LIPA: variants seen among roughly 807,000 people sequenced by gnomAD.
LIPA encodes the protein lysosomal acid lipase/cholesteryl ester hydrolase.
A neutral mutation model predicts 40.6 loss-of-function variants in LIPA; 26 were observed. The observed-to-expected ratio is 0.64, with a 90% CI of 0.47 to 0.89. The LOEUF (loss-of-function observed/expected upper bound fraction) is 0.89. Among genes scored for constraint, LIPA ranks in the 40% least tolerant of loss-of-function variants. The pLI, the probability that LIPA is intolerant of heterozygous loss-of-function variation, is 0.00. For synonymous variants in LIPA, 188 were observed against 168.4 expected, an observed-to-expected ratio of 1.12 and a Z score of -0.90; for missense variants, 455 against 479.6, an observed-to-expected ratio of 0.95 and a Z score of 0.48.
At chr10:89,329,796 C>G (rs536309620) in intron 1 of LIPA, among the ~76,000 whole-genome samples, 118 of 152,220 alleles carry the variant, frequency 7.8e-4, no homozygotes, top group Non-Finnish European at 1.4e-3. Flanking sequence ...AAGAGACCAC[C>G]AAACAGGCTT....
At chr10:89,249,914 T>C (rs1450203982) in intron 1 of LIPA, among the ~76,000 whole-genome samples, 3 of 152,112 alleles carry the variant, frequency 2.0e-5, no homozygotes, top group African/African-American at 7.2e-5. Flanking sequence ...AATACAGCTG[T>C]TTGTTTTTAG....
At chr10:89,290,680 G>C (rs7082118) in intron 1 of LIPA, among the ~76,000 whole-genome samples, 1 of 152,050 alleles carries the variant, frequency 6.6e-6, no homozygotes, top group Non-Finnish European at 1.5e-5. Context: ...AAAAGCTCCC[G>C]CACTGAGCAC....
chr10:89,290,252 A>T (rs1290562732), intron 1 of LIPA, among the ~76,000 whole-genome samples: 2 of 152,046 alleles, frequency 1.3e-5, no homozygotes, highest in Admixed American at 1.3e-4. Context: ...TCTTCCATTT[A>T]GTTTCTCAAT....
At chr10:89,273,675 G>A (rs1041539) in intron 1 of LIPA, among the ~76,000 whole-genome samples, 112,129 of 152,118 alleles carry the variant, frequency 0.74, 42,451 homozygotes, top group East Asian at 0.97. Flanking sequence ...GGTTTTAGCC[G>A]ATGTAAAGAC....
chr10:89,284,116 T>C (rs1039292309), intron 1 of LIPA: 4 of 152,266 alleles, frequency 2.6e-5, no homozygotes, highest in Admixed American at 2.6e-4. Flanking sequence ...AACCAGGAAG[T>C]GGCCAGAGCC....
At chr10:89,271,169 T>G (rs956253359) in intron 1 of LIPA, among the ~76,000 whole-genome samples, 2 of 152,318 alleles carry the variant, frequency 1.3e-5, no homozygotes, top group Admixed American at 6.5e-5. Flanking sequence ...TGTGACCAGT[T>G]GACTGAGGAA....
intron 2 of LIPA, among the ~76,000 whole-genome samples, chr10:89,354,535 C>T (rs1376170620): frequency 2.0e-5 from 3 of 152,158 alleles, no homozygotes; most frequent in Non-Finnish European, 4.4e-5. Flanking sequence ...TCAAGTCGTT[C>T]TCCTTCAAAG....
chr10:89,309,508 T>C (rs781725055), intron 1 of LIPA, among the ~76,000 whole-genome samples: 73 of 152,276 alleles, frequency 4.8e-4, no homozygotes, highest in Non-Finnish European at 8.8e-4. Flanking sequence ...TAGGACTACA[T>C]CTGGTGCCTG....
intron 1 of LIPA, among the ~76,000 whole-genome samples, chr10:89,269,444 G>T (rs1843254263): frequency 6.6e-6 from 1 of 152,012 alleles, no homozygotes; most frequent in Non-Finnish European, 1.5e-5. Context: ...TCTAATGTAG[G>T]TATATCTTTA....
chr10:89,308,255 T>C (rs1843495633), intron 1 of LIPA: 1 of 152,176 alleles, frequency 6.6e-6, no homozygotes, highest in Non-Finnish European at 1.5e-5. Context: ...AAAGGAATGC[T>C]GGTTTATCTT....
chr10:89,384,371 TAGGCCACCACAGAA>T (rs1564804612), intron 2 of LIPA: 1 of 1,614,126 alleles, frequency 6.2e-7, no homozygotes, highest in Non-Finnish European at 8.5e-7. Flanking sequence ...TATGCAGAAA[TAGGCCACCACAGAA>T]AGGCTGAGGA....
At chr10:89,376,860 C>T (rs1589625909) in intron 2 of LIPA, among the ~76,000 whole-genome samples, 1 of 152,148 alleles carries the variant, frequency 6.6e-6, no homozygotes, top group Non-Finnish European at 1.5e-5. Context: ...ACATGGGAGC[C>T]TGGGAAATAT....
At chr10:89,271,523 G>A (rs891845320) in intron 1 of LIPA, among the ~76,000 whole-genome samples, 1 of 152,194 alleles carries the variant, frequency 6.6e-6, no homozygotes, top group African/African-American at 2.4e-5. Context: ...AAGGGAAAAT[G>A]GGGTTGCTAC....
chr10:89,281,657 A>G (rs1457838375), intron 1 of LIPA, among the ~76,000 whole-genome samples: 2 of 152,256 alleles, frequency 1.3e-5, no homozygotes, highest in Admixed American at 6.5e-5. Flanking sequence ...TCCAGAAACC[A>G]AACAAACACT....
chr10:89,282,688 A>C (rs1233390530), intron 1 of LIPA, among the ~76,000 whole-genome samples: 1 of 152,208 alleles, frequency 6.6e-6, no homozygotes, highest in Non-Finnish European at 1.5e-5. Flanking sequence ...CTTTCATCGA[A>C]TCCATTATGT....
chr10:89,215,816 A>C, intron 9 of LIPA, 122 bp downstream of exon 9: 1 of 782,780 alleles, frequency 1.3e-6, no homozygotes, highest in Non-Finnish European at 2.4e-6. Context: ...GAAAACAAAC[A>C]CTAGTCAACT....
chr10:89,358,983 T>C (rs1844004208), intron 2 of LIPA, among the ~76,000 whole-genome samples: 1 of 152,250 alleles, frequency 6.6e-6, no homozygotes, highest in Non-Finnish European at 1.5e-5. Context: ...CCTGATTTGA[T>C]GATTACACAC....
intron 1 of LIPA, among the ~76,000 whole-genome samples, chr10:89,336,554 C>T (rs1843743805): frequency 6.6e-6 from 1 of 152,132 alleles, no homozygotes; most frequent in South Asian, 2.1e-4. Flanking sequence ...CAGTGCTCGT[C>T]CATGGTAAAT....
At chr10:89,271,452 A>G (rs556667824) in intron 1 of LIPA, among the ~76,000 whole-genome samples, 27 of 152,334 alleles carry the variant, frequency 1.8e-4, no homozygotes, top group Admixed American at 1.2e-3. Flanking sequence ...CCTTATGCTA[A>G]TTAACCAGCA....
Sources: gnomAD v4.1 joint callset for allele counts (sites outside exome capture counted in the v4.1 genomes callset) on GRCh38, gnomAD v4.1.1 for gene constraint, MANE v1.5 for transcripts, NCBI Gene and HGNC (gene_info 2026-07-23, HGNC 2026-07-21) for gene names.